Variants in IPO8 observed in about 807,000 individuals in gnomAD.
IPO8 encodes the protein importin 8.
Under a neutral mutation model 141.2 loss-of-function variants are expected in IPO8, and 65 were observed. The ratio of observed to expected loss-of-function variants is 0.46; its 90% CI spans 0.38 to 0.57. The LOEUF (loss-of-function observed/expected upper bound fraction) is 0.57. IPO8 is among the 20% of genes least tolerant of loss of function. IPO8 has a pLI of 0.00. For missense variants in IPO8, 980 were observed against 1,246.8 expected (o/e 0.79, Z 3.22); for synonymous variants, 411 against 420.3 (o/e 0.98, Z 0.27).
chr12:30,635,194 G>A lies in IPO8; in HGVS notation c.2696-908C>T, dbSNP rs1026830019. Among the ~76,000 whole-genome samples the A allele has an allele frequency of 1.3e-4, 20 of 151,978 alleles. 1 individual carries two copies. Among genetic ancestry groups the A allele is most frequent in the Middle Eastern group, 6.3e-3 (2 of 316 alleles). On this transcript the variant is annotated intron_variant, in intron 22 of 24. Transcript: ENST00000256079. ...GGAATATGGGAATGTTGGTAAAAGG[G>A]TACAAAGTCTCAGGAAGAATTAGGT...
At chr12:30,641,493 C>CT (rs58656525) in intron 20 of IPO8, among the ~76,000 whole-genome samples, 10,082 of 134,808 alleles carry the variant, frequency 0.075, 598 homozygotes, top group African/African-American at 0.15. Context: ...TAAGCTATTT[C>CT]TTTTTTTTTT....
chr12:30,695,079 A>G lies in IPO8; in HGVS notation c.84+485T>C, dbSNP rs2053324986. ...CCCAGCGCTCCGCAAAACTCGGCCA[A>G]TCGGTGTCAAAACAGTCCTGCCAAC... is the stretch of plus-strand genomic sequence containing the variant. On this transcript the variant is annotated intron_variant, in intron 1 of 24. Transcript: ENST00000256079. The surrounding 1 kb of genome is among the most constrained non-coding windows in gnomAD (Gnocchi z 4.2). 6.6e-6 allele frequency: 3 copies of G among 455,362 alleles called. No individual in the cohort carries two copies. Among genetic ancestry groups the G allele is most frequent in the African/African-American group, 2.0e-5 (1 of 50,154 alleles). The allele number at this position is 455,362 out of a possible 1,614,324, so 28.2% of individuals were successfully genotyped here.
intron 20 of IPO8, among the ~76,000 whole-genome samples, chr12:30,644,725 C>T (rs2052620095): frequency 1.3e-5 from 2 of 150,390 alleles, no homozygotes; most frequent in African/African-American, 4.9e-5. Context: ...GCAATCTTGG[C>T]TCACTGCAAC....
rs145653560 is a variant in IPO8 at position 30,659,947 on chromosome 12, G to A, written c.1881+1194C>T. ...TATTTAAAGTAGTAGTAGCAGCCAG[G>A]CATGGCGGCTCATGCCTTTAATCCC... On this transcript the variant is annotated intron_variant, in intron 16 of 24. Coordinates refer to ENST00000256079, the MANE Select transcript of IPO8 (RefSeq NM_006390.4). Among the ~76,000 whole-genome samples, 28 of 152,064 alleles carry A rather than the reference G, an allele frequency of 1.8e-4. No homozygotes were observed. In the East Asian group the frequency reaches 4.5e-3, roughly 24 times the overall value.
chr12:30,635,458 A>T (rs1191755327), intron 22 of IPO8, among the ~76,000 whole-genome samples: 1 of 152,138 alleles, frequency 6.6e-6, no homozygotes, highest in African/African-American at 2.4e-5. Flanking sequence ...ATAAAAAGAA[A>T]TAGCAAAAAT....
intron 5 of IPO8, among the ~76,000 whole-genome samples, chr12:30,678,020 G>A (rs548351720): frequency 6.6e-6 from 1 of 151,552 alleles, no homozygotes; most frequent in Admixed American, 6.6e-5. Flanking sequence ...CCTGTAAATC[G>A]AGGCTGAGGC....
At chr12:30,638,671 C>G (rs1467171804) in intron 21 of IPO8, among the ~76,000 whole-genome samples, 1 of 151,370 alleles carries the variant, frequency 6.6e-6, no homozygotes, top group Non-Finnish European at 1.5e-5. Context: ...GAATCTCACT[C>G]TTCCTATTTT....
chr12:30,685,055 G>A (rs533606001), intron 2 of IPO8, among the ~76,000 whole-genome samples: 1 of 151,772 alleles, frequency 6.6e-6, no homozygotes, highest in Admixed American at 6.6e-5. Flanking sequence ...CTTTTTAATC[G>A]TCTTCAACCT....
chr12:30,690,852 C>G (rs1220811399), intron 1 of IPO8, among the ~76,000 whole-genome samples: 1 of 152,086 alleles, frequency 6.6e-6, no homozygotes. Flanking sequence ...TTTACACTCC[C>G]AACAGCAGCA....
chr12:30,671,151 G>A (rs2136159300), intron 8 of IPO8, 55 bp from the exon 9 acceptor site: 3 of 1,221,726 alleles, frequency 2.5e-6, no homozygotes, highest in Non-Finnish European at 2.3e-6. Flanking sequence ...GTTAAAAGGG[G>A]GAGGTGCCAT....
At chr12:30,676,453 C>T in intron 6 of IPO8, 45 bp downstream of exon 6, 1 of 1,388,076 alleles carries the variant, frequency 7.2e-7, no homozygotes, top group East Asian at 2.3e-5. Context: ...CGCAAACATT[C>T]CAAACCCGTT....
rs1276766680 is a variant in IPO8, at chr12:30,695,356, C to T, written c.84+208G>A. On this transcript the variant is annotated intron_variant, in intron 1 of 24. Transcript: ENST00000256079. The surrounding 1 kb of genome is among the most constrained non-coding windows in gnomAD (Gnocchi z 4.2). Reference sequence around the variant, plus strand: ...CGACACGAAAAGGTGCAAAGGTGGCCAACAGGTGCGCGAGCTGTTCGGCAA... The same window carrying T: ...CGACACGAAAAGGTGCAAAGGTGGCTAACAGGTGCGCGAGCTGTTCGGCAA... 6.6e-6 allele frequency among the ~76,000 whole-genome samples: 1 copy of T among 152,192 alleles called. No individual in the cohort carries two copies. The highest frequency in any genetic ancestry group is 1.5e-5 in the Non-Finnish European group (1 of 68,034).
chr12:30,639,511 A>T lies in IPO8; in HGVS notation c.2489+4T>A. ...AAGCAGTGTAAAATCCAAAAGACACATACCCAAGAAAACAATCTGTATCAT... is the reference window on the plus strand; with the variant it reads ...AAGCAGTGTAAAATCCAAAAGACACTTACCCAAGAAAACAATCTGTATCAT... On this transcript the variant is annotated splice_donor_region_variant and intron_variant, in intron 21 of 24. Coordinates refer to ENST00000256079, the MANE Select transcript of IPO8 (RefSeq NM_006390.4). The T allele has an allele frequency of 6.2e-7, 1 of 1,600,238 alleles. No individual in the cohort carries two copies. The highest frequency in any genetic ancestry group is 1.1e-5 in the South Asian group (1 of 90,768).
At chr12:30,692,902 T>C (rs549964533) in intron 1 of IPO8, among the ~76,000 whole-genome samples, 1 of 152,344 alleles carries the variant, frequency 6.6e-6, no homozygotes, top group African/African-American at 2.4e-5. Flanking sequence ...ACAGCACTTA[T>C]GACCTGAAAT....
intron 19 of IPO8, among the ~76,000 whole-genome samples, chr12:30,651,709 T>C (rs1190147066): frequency 2.0e-5 from 3 of 152,110 alleles, no homozygotes; most frequent in South Asian, 4.1e-4. Flanking sequence ...ACAATCATGT[T>C]TGTGTATAAG....
At chr12:30,641,035 C>G (rs1174127179) in intron 20 of IPO8, among the ~76,000 whole-genome samples, 1 of 152,092 alleles carries the variant, frequency 6.6e-6, no homozygotes, top group African/African-American at 2.4e-5. Flanking sequence ...CTATTACACA[C>G]AAAGCCATAA....
intron 5 of IPO8, among the ~76,000 whole-genome samples, chr12:30,677,646 T>C (rs191120290): frequency 8.5e-5 from 13 of 152,222 alleles, no homozygotes; most frequent in Admixed American, 4.6e-4. Flanking sequence ...GACAGTGATA[T>C]TGATGATCCT....
At chr12:30,639,806 C>T (rs1313222710) in intron 20 of IPO8, 71 bp from the exon 21 acceptor site, 1 of 1,022,092 alleles carries the variant, frequency 9.8e-7, no homozygotes, top group Non-Finnish European at 1.5e-6. Context: ...TGAATATTGG[C>T]AGAGCATTCT....
intron 20 of IPO8, 58 bp downstream of exon 20, chr12:30,649,079 C>A: frequency 9.5e-7 from 1 of 1,057,462 alleles, no homozygotes; most frequent in South Asian, 1.4e-5. Flanking sequence ...AAAAGTCAAG[C>A]AGGCATGTAA....
Sources: gnomAD v4.1 joint callset for allele counts (sites outside exome capture counted in the v4.1 genomes callset) on GRCh38, gnomAD v4.1.1 for gene constraint, Gnocchi (gnomAD v3.1) non-coding constraint, MANE v1.5 for transcripts, NCBI Gene and HGNC (gene_info 2026-07-23, HGNC 2026-07-21) for gene names.